Variants in ERI3 observed in about 807,000 individuals in gnomAD.
The protein encoded by ERI3 is ERI1 exoribonuclease 3.
ERI3 carries 18 observed loss-of-function variants against 44.4 expected under a neutral mutation model. The observed-to-expected ratio is 0.41, with a 90% CI of 0.28 to 0.60. The LOEUF is 0.60. Ranked by LOEUF, ERI3 falls within the 20% of genes least tolerant of loss-of-function variation. ERI3 has a pLI of 0.36. For synonymous variants in ERI3, 183 were observed against 164.8 expected (o/e 1.11, Z -0.84); for missense variants, 294 against 435.5 (o/e 0.68, Z 2.89).
chr1:44,310,688 G>T (rs4958), intron 5 of ERI3, among the ~76,000 whole-genome samples: 37,998 of 151,956 alleles, frequency 0.25, 5,212 homozygotes, highest in South Asian at 0.41. Context: ...AGATGCTAGA[G>T]GCCTGGCCCA....
chr1:44,241,980 C>T lies in ERI3; in HGVS notation c.931+5959G>A. ...AGAACAGTCTGGTGTCTGGCAAGAA[C>T]CAATTCCTCAGATGTCTCTGGGGCT... On this transcript the variant is annotated intron_variant, in intron 8 of 8. Transcript: ENST00000372257. This position sits in a 1 kb window ranked among gnomAD's most constrained non-coding sequence, Gnocchi z 5.6. 1.0e-6 allele frequency: 1 copy of T among 985,714 alleles called. No homozygotes were observed. The highest frequency in any genetic ancestry group is 1.2e-6 in the Non-Finnish European group (1 of 830,062). 61.1% of individuals were successfully genotyped at this position (985,714 alleles called of 1,614,324 possible). A position where few individuals can be genotyped will look rare whatever the true frequency, so the allele number is the denominator to read the frequency against.
chr1:44,250,292 C>G (rs1052126387), intron 7 of ERI3, among the ~76,000 whole-genome samples: 3 of 152,366 alleles, frequency 2.0e-5, no homozygotes, highest in Middle Eastern at 3.4e-3. Flanking sequence ...GGCTCGGGGA[C>G]AGGGCAGCTC....
At chr1:44,282,747 T>C (rs568212225) in intron 7 of ERI3, among the ~76,000 whole-genome samples, 1 of 152,334 alleles carries the variant, frequency 6.6e-6, no homozygotes, top group South Asian at 2.1e-4. Flanking sequence ...AGACCCCTTA[T>C]GTCTCCCAGA....
chr1:44,298,668 A>G (rs544053366), intron 6 of ERI3, among the ~76,000 whole-genome samples: 2 of 152,314 alleles, frequency 1.3e-5, no homozygotes, highest in Admixed American at 6.5e-5. Flanking sequence ...TAATCTCAGC[A>G]CTTTGGGAGG....
In ERI3 at chr1:44,261,536, T is replaced by C. The variant is rs1644893865; in HGVS notation, c.832-13498A>G. 5.9e-5 allele frequency among the ~76,000 whole-genome samples: 9 copies of C among 152,006 alleles called. No individual in the cohort carries two copies. The South Asian group carries it at 1.9e-3, about 32-fold the overall frequency. ...AGCAAGTCCCCATAATAGAGAGAGC[T>C]GAGAAAGAGGAGAGGGAAAAAAGGA... On this transcript the variant is annotated intron_variant, in intron 7 of 8. Coordinates refer to ENST00000372257, the MANE Select transcript of ERI3 (RefSeq NM_024066.3).
chr1:44,281,601 A>ATATAT lies in ERI3; in HGVS notation c.831+3233_831+3234insATATA, dbSNP rs1553189559. ...AGACCCCGTCTCGAAAAAAAAAAAA[A>ATATAT]ATATATATATATATATATAATATAT... On this transcript the variant is annotated intron_variant, in intron 7 of 8. Transcript: ENST00000372257. 4.0e-3 allele frequency among the ~76,000 whole-genome samples: 509 copies of ATATAT among 127,978 alleles called. 2 individuals are homozygous for ATATAT. Among genetic ancestry groups the ATATAT allele is most frequent in the African/African-American group, 0.015 (446 of 29,994 alleles). 84.0% of individuals were successfully genotyped at this position (127,978 alleles called of 152,430 possible).
chr1:44,259,920 T>TAGATAGATAGATAGATAGATAGATAGAC (rs778936296), intron 7 of ERI3, among the ~76,000 whole-genome samples: 14 of 129,634 alleles, frequency 1.1e-4, no homozygotes, highest in Non-Finnish European at 2.0e-4. Context: ...GATAGATAGA[T>TAGATAGATAGATAGATAGATAGATAGAC]AGACAGACAG....
chr1:44,249,687 G>A (rs1644634559), intron 7 of ERI3, among the ~76,000 whole-genome samples: 1 of 152,170 alleles, frequency 6.6e-6, no homozygotes, highest in African/African-American at 2.4e-5. Context: ...AAGGACAGGG[G>A]AGAAGATGCT....
Position 44,228,655 on chromosome 1 carries a change from C to T in ERI3, c.932-7015G>A, listed in dbSNP as rs1466731399. On this transcript the variant is annotated intron_variant, in intron 8 of 8. Transcript: ENST00000372257. This position sits in a 1 kb window ranked among gnomAD's most constrained non-coding sequence, Gnocchi z 4.3. ...AAATGAGGCCATTACACACCCATTA[C>T]CCGCCAGCTCACAGCCACTTGGGGG... Among the ~76,000 whole-genome samples, 5 of 152,220 alleles carry T rather than the reference C, an allele frequency of 3.3e-5. No homozygotes were observed. The highest frequency in any genetic ancestry group is 7.3e-5 in the Non-Finnish European group (5 of 68,042).
chr1:44,240,912 G>A (rs1381533297), intron 8 of ERI3, among the ~76,000 whole-genome samples: 1 of 152,234 alleles, frequency 6.6e-6, no homozygotes, highest in Non-Finnish European at 1.5e-5. Context: ...CCAAAGCATA[G>A]GGAGGGATGT....
chr1:44,341,257 A>C (rs1646647309), intron 2 of ERI3, among the ~76,000 whole-genome samples: 1 of 152,236 alleles, frequency 6.6e-6, no homozygotes, highest in African/African-American at 2.4e-5. Flanking sequence ...AATGACAATA[A>C]CAATAGCACC....
chr1:44,328,833 C>T (rs549330204), intron 3 of ERI3, among the ~76,000 whole-genome samples: 1 of 152,266 alleles, frequency 6.6e-6, no homozygotes, highest in East Asian at 1.9e-4. Context: ...TTACTTGACC[C>T]ACTTTAAGCA....
intron 7 of ERI3, among the ~76,000 whole-genome samples, chr1:44,267,164 G>A (rs1463868562): frequency 6.6e-6 from 1 of 152,240 alleles, no homozygotes; most frequent in Non-Finnish European, 1.5e-5. Flanking sequence ...CTGCACCCAA[G>A]GCAGTGGGCC....
intron 8 of ERI3, among the ~76,000 whole-genome samples, chr1:44,226,784 C>CACACACACAT (rs1644052337): frequency 6.7e-6 from 1 of 148,758 alleles, no homozygotes; most frequent in African/African-American, 2.5e-5. Context: ...ATTAAACACA[C>CACACACACAT]ACACACACAC....
chr1:44,349,094 A>C (rs905861501), intron 2 of ERI3, among the ~76,000 whole-genome samples: 1 of 152,080 alleles, frequency 6.6e-6, no homozygotes, highest in Non-Finnish European at 1.5e-5. Flanking sequence ...TGCTCACTCG[A>C]TTTGCTTTAC....
At position 44,221,351 on chromosome 1, in the gene ERI3, G is replaced by A. The variant is rs970939598; in HGVS notation, c.*207C>T. 5 of 567,004 alleles carry A rather than the reference G, an allele frequency of 8.8e-6. No individual in the cohort carries two copies. Among genetic ancestry groups the A allele is most frequent in the Non-Finnish European group, 1.6e-5 (5 of 317,878 alleles). The allele number at this position is 567,004 out of a possible 1,614,324, so 35.1% of individuals were successfully genotyped here. A position where few individuals can be genotyped will look rare whatever the true frequency, so the allele number is the denominator to read the frequency against. ...TGAGATTGAGGGGTGGGGATGGGGGGCACAAAGTGTCTGCTCCAGAAGGGC... is the reference window on the plus strand; with the variant it reads ...TGAGATTGAGGGGTGGGGATGGGGGACACAAAGTGTCTGCTCCAGAAGGGC... On this transcript the variant is annotated 3_prime_UTR_variant, in exon 9 of 9. Transcript: ENST00000372257. This position sits in a 1 kb window ranked among gnomAD's most constrained non-coding sequence, Gnocchi z 5.9.
At chr1:44,295,112 GC>G (rs1645583711) in intron 6 of ERI3, among the ~76,000 whole-genome samples, 1 of 152,150 alleles carries the variant, frequency 6.6e-6, no homozygotes, top group Admixed American at 6.5e-5. Flanking sequence ...ATTAGAATAG[GC>G]TAGTGATTTT....
intron 5 of ERI3, 36 bp downstream of exon 5, chr1:44,313,133 G>T: frequency 6.3e-7 from 1 of 1,593,270 alleles, no homozygotes; most frequent in Non-Finnish European, 8.6e-7. Context: ...AGCAGGAAGG[G>T]GTCAGAGGTC....
intron 2 of ERI3, among the ~76,000 whole-genome samples, chr1:44,342,826 T>TATATATATATATATAA (rs1646688342): frequency 6.4e-4 from 11 of 17,298 alleles, no homozygotes; most frequent in Non-Finnish European, 1.1e-3. Context: ...TATATATATA[T>TATATATATATATATAA]ATATATATAT....
Sources: allele counts gnomAD v4.1 joint callset (sites outside exome capture counted in the v4.1 genomes callset), GRCh38; gene constraint gnomAD v4.1.1; non-coding constraint Gnocchi (gnomAD v3.1); transcripts MANE v1.5; gene names NCBI Gene and HGNC (gene_info 2026-07-23, HGNC 2026-07-21).